CCDC148: variants seen among roughly 807,000 people sequenced by gnomAD.
CCDC148 encodes the protein coiled-coil domain-containing protein 148.
In CCDC148, 89 loss-of-function variants were observed where a neutral mutation model predicts 85.7. That is an observed-to-expected ratio of 1.04 (90% CI 0.87 to 1.24). The LOEUF is 1.24. Ranked by LOEUF, CCDC148 falls within the 50% of genes most tolerant of loss-of-function variation. CCDC148 has a pLI of 0.00. For missense variants in CCDC148, 692 were observed against 671.7 expected, an observed-to-expected ratio of 1.03 and a Z score of -0.33; for synonymous variants, 230 against 213.9, an observed-to-expected ratio of 1.08 and a Z score of -0.66.
chr2:158,227,918 C>T (rs1039476130), intron 10 of CCDC148, among the ~76,000 whole-genome samples: 10 of 152,116 alleles, frequency 6.6e-5, no homozygotes, highest in African/African-American at 2.4e-4. Context: ...ATGTCCAAAA[C>T]ACCAAAAGCA....
chr2:158,355,365 A>G (rs1156810402), intron 2 of CCDC148, among the ~76,000 whole-genome samples: 1 of 152,302 alleles, frequency 6.6e-6, no homozygotes, highest in East Asian at 1.9e-4. Flanking sequence ...TAAGCTGATA[A>G]GCAACTTCAG....
chr2:158,453,906 C>G (rs780317512), intron 1 of CCDC148, among the ~76,000 whole-genome samples: 7 of 152,120 alleles, frequency 4.6e-5, no homozygotes, highest in African/African-American at 4.8e-5. Context: ...CAGGCCCTCT[C>G]CCCACCCCTA....
chr2:158,318,637 T>A (rs766118850), intron 7 of CCDC148, among the ~76,000 whole-genome samples: 1 of 152,068 alleles, frequency 6.6e-6, no homozygotes, highest in African/African-American at 2.4e-5. Flanking sequence ...TTACTTAGAA[T>A]GTATATTTTT....
At chr2:158,398,310 T>C (rs1685621206) in intron 1 of CCDC148, among the ~76,000 whole-genome samples, 1 of 152,086 alleles carries the variant, frequency 6.6e-6, no homozygotes, top group Admixed American at 6.6e-5. Context: ...TCATCCCAAA[T>C]CAACAGAATA....
At chr2:158,263,265 T>C (rs930658405) in intron 9 of CCDC148, among the ~76,000 whole-genome samples, 12 of 152,086 alleles carry the variant, frequency 7.9e-5, no homozygotes, top group Admixed American at 1.3e-4. Flanking sequence ...GGCTTATGTA[T>C]GTGTATAATT....
In CCDC148 at chr2:158,297,175, A is replaced by C. The variant is rs375076592; in HGVS notation, c.1110+12258T>G. On this transcript the variant is annotated intron_variant, in intron 9 of 13. Transcript: ENST00000283233. ...GAATCCTTGCCAGTTCTCATAGTAA[A>C]CTGGACACCCAAGTTCCTCCAATTA... Among the ~76,000 whole-genome samples, 9 of 152,316 alleles carry C rather than the reference A, an allele frequency of 5.9e-5. No homozygotes were observed. The South Asian group carries it at 1.7e-3, about 28-fold the overall frequency.
chr2:158,203,612 T>C (rs1029449457), intron 11 of CCDC148, among the ~76,000 whole-genome samples: 1 of 152,164 alleles, frequency 6.6e-6, no homozygotes, highest in African/African-American at 2.4e-5. Flanking sequence ...AAGATTTACA[T>C]TTGTTTCACA....
intron 9 of CCDC148, among the ~76,000 whole-genome samples, chr2:158,291,213 G>A (rs372062147): frequency 2.6e-5 from 4 of 152,062 alleles, no homozygotes; most frequent in East Asian, 1.9e-4. Flanking sequence ...TCAGCCTCCC[G>A]AGTGGCTGGT....
At chr2:158,239,567 T>TTAG (rs147429190) in intron 10 of CCDC148, among the ~76,000 whole-genome samples, 1 of 151,630 alleles carries the variant, frequency 6.6e-6, no homozygotes, top group Admixed American at 6.6e-5. Flanking sequence ...AGAAGGTTAA[T>TTAG]TTAATTTAAA....
intron 10 of CCDC148, 38 bp downstream of exon 10, chr2:158,250,734 A>G (rs1418407327): frequency 2.7e-6 from 4 of 1,505,226 alleles, no homozygotes; most frequent in Non-Finnish European, 3.5e-6. Context: ...GCCATTAAGC[A>G]TTCATTCACA....
intron 1 of CCDC148, among the ~76,000 whole-genome samples, chr2:158,394,707 C>G (rs746148878): frequency 1.1e-4 from 16 of 152,004 alleles, no homozygotes; most frequent in Non-Finnish European, 1.9e-4. Context: ...TCGGCCCCTC[C>G]TCTGTTCCCT....
rs1311597211 is a variant in CCDC148 at position 158,250,877 on chromosome 2, T to G, written c.1146A>C (p.Ala382=). Residue 382 remains alanine (A), a synonymous_variant, in exon 10 of 14, where the codon GCA becomes GCC. Coordinates refer to ENST00000283233, the MANE Select transcript of CCDC148 (RefSeq NM_138803.4). ...TGGCAGAAATTTCCATTTCCAGTCT[T>G]GCTACCTCTTCTTGGTGGGCTCGCC... The part of the protein sequence containing the change: ...RQWRAHQEEV[A]RLEMEISARR... 1.8e-5 allele frequency: 29 copies of G among 1,607,624 alleles called. No individual in the cohort carries two copies. The East Asian group carries it at 6.5e-4, about 36-fold the overall frequency.
chr2:158,347,573 T>G (rs942015577), intron 2 of CCDC148, among the ~76,000 whole-genome samples: 4 of 152,018 alleles, frequency 2.6e-5, no homozygotes, highest in Non-Finnish European at 4.4e-5. Flanking sequence ...ATACTTAGGG[T>G]GGATGATAAT....
intron 8 of CCDC148, among the ~76,000 whole-genome samples, chr2:158,312,839 G>A (rs574488943): frequency 6.6e-6 from 1 of 152,182 alleles, no homozygotes; most frequent in South Asian, 2.1e-4. Flanking sequence ...GAGGATGGGA[G>A]AAAATGGTCA....
intron 1 of CCDC148, among the ~76,000 whole-genome samples, chr2:158,403,929 TACA>T (rs1379425258): frequency 1.3e-5 from 2 of 152,132 alleles, no homozygotes; most frequent in African/African-American, 2.4e-5. Context: ...ACTGTGCAGA[TACA>T]ACAAGTCTGA....
intron 1 of CCDC148, among the ~76,000 whole-genome samples, chr2:158,409,501 T>G (rs1686168335): frequency 6.6e-6 from 1 of 152,198 alleles, no homozygotes; most frequent in African/African-American, 2.4e-5. Context: ...CTGTAGCCCC[T>G]TTGTTTTAGC....
At chr2:158,191,520 AC>A (rs1358584945) in intron 11 of CCDC148, among the ~76,000 whole-genome samples, 2 of 151,958 alleles carry the variant, frequency 1.3e-5, no homozygotes, top group Non-Finnish European at 2.9e-5. Flanking sequence ...TTTTTAAGTA[AC>A]CCTTCTAATC....
intron 10 of CCDC148, among the ~76,000 whole-genome samples, chr2:158,248,207 A>G (rs1254185190): frequency 1.3e-5 from 2 of 152,182 alleles, no homozygotes; most frequent in Non-Finnish European, 2.9e-5. Context: ...GGAAAGATAG[A>G]AGTAAAATTC....
At chr2:158,264,843 C>G (rs1262457266) in intron 9 of CCDC148, among the ~76,000 whole-genome samples, 11 of 152,040 alleles carry the variant, frequency 7.2e-5, no homozygotes, top group Admixed American at 7.2e-4. Context: ...TCCATAAAGT[C>G]TTAGTTAACC....
Sources: gnomAD v4.1 joint callset for allele counts (sites outside exome capture counted in the v4.1 genomes callset) on GRCh38, gnomAD v4.1.1 for gene constraint, MANE v1.5 for transcripts, NCBI Gene and HGNC (gene_info 2026-07-23, HGNC 2026-07-21) for gene names.